The following SMYD3 variants were observed in gnomAD, a reference collection of about 807,000 sequenced individuals.
SMYD3 encodes the protein histone-lysine N-methyltransferase SMYD3.
In SMYD3, 36 loss-of-function variants were observed where a neutral mutation model predicts 57.7. That is an observed-to-expected ratio of 0.62 (90% CI 0.48 to 0.82). The LOEUF is 0.82. Among genes scored for constraint, SMYD3 ranks in the 40% least tolerant of loss-of-function variants. The probability of loss-of-function intolerance (pLI) is 0.00; values close to 1 mark genes in which losing one functional copy is unlikely to be tolerated. For synonymous variants in SMYD3, 211 were observed against 195.0 expected (o/e 1.08, Z -0.68); for missense variants, 515 against 538.8 (o/e 0.96, Z 0.44).
chr1:246,269,559 T>C (rs1362719209), intron 5 of SMYD3, among the ~76,000 whole-genome samples: 1 of 150,284 alleles, frequency 6.7e-6, no homozygotes, highest in Non-Finnish European at 1.5e-5. Flanking sequence ...TTTTTTTGTT[T>C]TTGTTGTTTT....
chr1:245,789,921 G>A (rs993638812), intron 10 of SMYD3, among the ~76,000 whole-genome samples: 10 of 152,170 alleles, frequency 6.6e-5, no homozygotes, highest in African/African-American at 7.2e-5. Flanking sequence ...TCATTTATTT[G>A]TTCATTCATT....
intron 5 of SMYD3, among the ~76,000 whole-genome samples, chr1:246,296,954 G>A (rs758046164): frequency 3.9e-5 from 6 of 152,006 alleles, no homozygotes; most frequent in East Asian, 3.8e-4. Context: ...GCTAACAATC[G>A]ATGAATACAA....
intron 5 of SMYD3, among the ~76,000 whole-genome samples, chr1:246,085,908 T>C (rs1477447196): frequency 9.2e-5 from 14 of 152,042 alleles, no homozygotes; most frequent in Admixed American, 7.9e-4. Flanking sequence ...GCATTATAGA[T>C]AAAAATATTT....
At chr1:246,295,766 G>C (rs959274565) in intron 5 of SMYD3, among the ~76,000 whole-genome samples, 1 of 152,136 alleles carries the variant, frequency 6.6e-6, no homozygotes, top group Non-Finnish European at 1.5e-5. Flanking sequence ...CTTGACACCA[G>C]TACAAGCTAT....
At chr1:246,502,289 C>T (rs990312181) in intron 1 of SMYD3, among the ~76,000 whole-genome samples, 1 of 152,034 alleles carries the variant, frequency 6.6e-6, no homozygotes, top group Admixed American at 6.6e-5. Flanking sequence ...CAGGCATGCA[C>T]CCAGGTAATT....
intron 5 of SMYD3, among the ~76,000 whole-genome samples, chr1:246,207,111 T>C (rs1282641088): frequency 6.6e-6 from 1 of 152,090 alleles, no homozygotes; most frequent in Non-Finnish European, 1.5e-5. Context: ...TAATAATGAG[T>C]AGTCACTTCT....
At chr1:246,150,457 A>G (rs553995533) in intron 5 of SMYD3, among the ~76,000 whole-genome samples, 7 of 152,320 alleles carry the variant, frequency 4.6e-5, no homozygotes, top group African/African-American at 1.4e-4. Flanking sequence ...ACTTATACAG[A>G]CCACTCCCAT....
At chr1:245,907,596 A>G (rs982877369) in intron 8 of SMYD3, among the ~76,000 whole-genome samples, 48 of 152,232 alleles carry the variant, frequency 3.2e-4, no homozygotes, top group Admixed American at 1.9e-3. Context: ...TTATCACTAC[A>G]GAAAACCACC....
intron 11 of SMYD3, among the ~76,000 whole-genome samples, chr1:245,759,913 C>G (rs1034919425): frequency 6.6e-6 from 1 of 152,326 alleles, no homozygotes; most frequent in East Asian, 1.9e-4. Context: ...CTCTGATTAA[C>G]AAGACAGCCC....
chr1:246,470,454 C>CT (rs2067943624), intron 1 of SMYD3, among the ~76,000 whole-genome samples: 2 of 150,538 alleles, frequency 1.3e-5, no homozygotes, highest in African/African-American at 4.9e-5. Context: ...AAGATCACAC[C>CT]ACTGCATTCC....
intron 5 of SMYD3, among the ~76,000 whole-genome samples, chr1:246,169,154 G>T (rs889856405): frequency 1.3e-5 from 2 of 151,958 alleles, no homozygotes; most frequent in African/African-American, 4.8e-5. Flanking sequence ...TTTAAACCTT[G>T]ACAGACTAAT....
intron 10 of SMYD3, among the ~76,000 whole-genome samples, chr1:245,829,060 TC>T (rs2049679760): frequency 8.0e-6 from 1 of 125,500 alleles, no homozygotes; most frequent in South Asian, 2.9e-4. Context: ...CTCTTCACCT[TC>T]TTAGCCTGGC....
At chr1:245,873,510 A>T (rs2052330629) in intron 8 of SMYD3, among the ~76,000 whole-genome samples, 1 of 152,196 alleles carries the variant, frequency 6.6e-6, no homozygotes, top group African/African-American at 2.4e-5. Flanking sequence ...AAGATAAAGT[A>T]CACCTCCAAA....
intron 5 of SMYD3, among the ~76,000 whole-genome samples, chr1:246,094,340 C>T (rs935646137): frequency 2.0e-5 from 3 of 152,158 alleles, no homozygotes; most frequent in African/African-American, 4.8e-5. Context: ...GTGGGAAACA[C>T]AGCAGTCTAC....
chr1:246,139,366 T>G (rs185616941), intron 5 of SMYD3, among the ~76,000 whole-genome samples: 2 of 152,342 alleles, frequency 1.3e-5, no homozygotes, highest in East Asian at 3.9e-4. Context: ...TCATTCTACC[T>G]AAAACATTCC....
chr1:246,309,123 A>G (rs1298190183), intron 5 of SMYD3, among the ~76,000 whole-genome samples: 1 of 152,194 alleles, frequency 6.6e-6, no homozygotes, highest in Non-Finnish European at 1.5e-5. Context: ...GTATTTTTTA[A>G]TTGTGAAAAA....
intron 5 of SMYD3, among the ~76,000 whole-genome samples, chr1:245,959,211 C>T (rs1470009202): frequency 6.6e-6 from 1 of 152,228 alleles, no homozygotes; most frequent in East Asian, 1.9e-4. Context: ...ATTGACCTGC[C>T]TCAGCCTCCC....
chr1:245,915,365 T>C (rs2055329622), intron 8 of SMYD3, among the ~76,000 whole-genome samples, 165 bp downstream of exon 8: 1 of 152,168 alleles, frequency 6.6e-6, no homozygotes, highest in Admixed American at 6.5e-5. Flanking sequence ...TGACAAAAGT[T>C]CCAGGAAACA....
chr1:246,404,579 T>G (rs911728722), intron 1 of SMYD3, among the ~76,000 whole-genome samples: 1 of 152,170 alleles, frequency 6.6e-6, no homozygotes, highest in African/African-American at 2.4e-5. Context: ...GTTTGCAAGT[T>G]AAAGAGACAG....
Sources: gnomAD v4.1 joint callset for allele counts (sites outside exome capture counted in the v4.1 genomes callset) on GRCh38, gnomAD v4.1.1 for gene constraint, MANE v1.5 for transcripts, NCBI Gene and HGNC (gene_info 2026-07-23, HGNC 2026-07-21) for gene names.